Variants in CYB5A observed in about 807,000 individuals in gnomAD.
CYB5A encodes cytochrome b5 type A, also known as cytochrome b5.
In CYB5A, 10 loss-of-function variants were observed where a neutral mutation model predicts 16.2. The observed-to-expected ratio is 0.62, with a 90% CI of 0.38 to 1.04. The LOEUF (loss-of-function observed/expected upper bound fraction) is 1.04. Ranked by LOEUF, CYB5A falls within the 50% of genes least tolerant of loss-of-function variation. The probability of loss-of-function intolerance (pLI) is 0.01; values close to 1 mark genes in which losing one functional copy is unlikely to be tolerated. For synonymous variants in CYB5A, 62 were observed against 57.0 expected (o/e 1.09, Z -0.40); for missense variants, 161 against 165.9 (o/e 0.97, Z 0.16).
intron 1 of CYB5A, among the ~76,000 whole-genome samples, chr18:74,276,256 T>C (rs987344494): frequency 3.9e-5 from 6 of 152,184 alleles, no homozygotes; most frequent in Non-Finnish European, 5.9e-5. Context: ...AGTGCCACAC[T>C]GATAGCTCAC....
chr18:74,263,714 C>T (rs901982526), intron 1 of CYB5A, among the ~76,000 whole-genome samples: 2 of 152,118 alleles, frequency 1.3e-5, no homozygotes, highest in Non-Finnish European at 2.9e-5. Context: ...CAAAGCCAAC[C>T]TGGGCAACAT....
intron 1 of CYB5A, among the ~76,000 whole-genome samples, chr18:74,282,441 G>C (rs1278562340): frequency 6.6e-6 from 1 of 152,170 alleles, no homozygotes; most frequent in African/African-American, 2.4e-5. Flanking sequence ...CACAGAGCAG[G>C]GGCTCGTATC....
rs541370162 is a variant in CYB5A at position 74,275,491 on chromosome 18, C to T, written c.130-12014G>A. On this transcript the variant is annotated intron_variant, in intron 1 of 4. Transcript: ENST00000340533. ...AGCGGGATGCAGTTATCACACAGCT[C>T]TGGTGGCAAAGATCACTTCTTTAGG... Among the ~76,000 whole-genome samples the T allele has an allele frequency of 5.9e-5, 9 of 152,298 alleles. No individual in the cohort carries two copies. In the South Asian group the frequency reaches 1.5e-3, roughly 25 times the overall value.
chr18:74,263,627 C>A, intron 1 of CYB5A, 150 bp from the exon 2 acceptor site: 2 of 723,392 alleles, frequency 2.8e-6, no homozygotes, highest in Non-Finnish European at 4.8e-6. Context: ...TGGATTAAAA[C>A]AACACAGGCC....
At chr18:74,277,833 G>C (rs1339010944) in intron 1 of CYB5A, among the ~76,000 whole-genome samples, 1 of 152,158 alleles carries the variant, frequency 6.6e-6, no homozygotes, top group Non-Finnish European at 1.5e-5. Flanking sequence ...GAGGATACAG[G>C]GGTAACTTTA....
intron 1 of CYB5A, among the ~76,000 whole-genome samples, chr18:74,264,311 C>T (rs1219800801): frequency 6.6e-6 from 1 of 152,096 alleles, no homozygotes; most frequent in Non-Finnish European, 1.5e-5. Context: ...GCATGAGGCT[C>T]GTGTCCTTCA....
intron 1 of CYB5A, among the ~76,000 whole-genome samples, chr18:74,269,497 G>T (rs530084373): frequency 5.6e-4 from 72 of 128,688 alleles, no homozygotes; most frequent in African/African-American, 1.4e-3. Context: ...AGAGCCCCAG[G>T]TCCCTCCCAC....
At chr18:74,279,985 T>G (rs118140297) in intron 1 of CYB5A, among the ~76,000 whole-genome samples, 1 of 152,294 alleles carries the variant, frequency 6.6e-6, no homozygotes, top group East Asian at 1.9e-4. Flanking sequence ...CAAAAACTAA[T>G]AAATGAGTAC....
chr18:74,272,360 T>A (rs8084095), intron 1 of CYB5A, among the ~76,000 whole-genome samples: 1,564 of 152,332 alleles, frequency 0.01, 24 homozygotes, highest in African/African-American at 0.035. Context: ...GGGATAAATA[T>A]GTCTGCTTTT....
chr18:74,278,370 C>T (rs1409592678), intron 1 of CYB5A, among the ~76,000 whole-genome samples: 6 of 152,182 alleles, frequency 3.9e-5, no homozygotes, highest in Non-Finnish European at 8.8e-5. Context: ...TAGCAGACTC[C>T]GTGGCAAGTA....
intron 4 of CYB5A, 137 bp from the exon 5 acceptor site, chr18:74,253,802 G>A: frequency 1.5e-6 from 1 of 671,488 alleles, no homozygotes; most frequent in Non-Finnish European, 2.8e-6. Context: ...AAGGCAACGT[G>A]GATTTGCTAA....
At chr18:74,256,098 A>G (rs1599244372) in intron 3 of CYB5A, 3 of 294,308 alleles carry the variant, frequency 1.0e-5, no homozygotes, top group East Asian at 1.5e-4. Flanking sequence ...ATTCATGTTC[A>G]CATACACACA....
chr18:74,264,235 GAA>G (rs58569368), intron 1 of CYB5A, among the ~76,000 whole-genome samples: 87,609 of 149,690 alleles, frequency 0.59, 27,218 homozygotes, highest in Middle Eastern at 0.71. Flanking sequence ...AAGAGAGCGA[GAA>G]AGAAAGAACC....
At chr18:74,264,811 C>G (rs1258390905) in intron 1 of CYB5A, among the ~76,000 whole-genome samples, 1 of 151,998 alleles carries the variant, frequency 6.6e-6, no homozygotes, top group Non-Finnish European at 1.5e-5. Context: ...AATTTTTTCT[C>G]CAAGATGATT....
chr18:74,268,030 T>A (rs571673996), intron 1 of CYB5A, among the ~76,000 whole-genome samples: 1 of 152,318 alleles, frequency 6.6e-6, no homozygotes, highest in African/African-American at 2.4e-5. Context: ...GAGGAAGATT[T>A]CCATTTGTTT....
chr18:74,256,093 T>C (rs1367231486), intron 3 of CYB5A: 3 of 324,056 alleles, frequency 9.3e-6, no homozygotes, highest in African/African-American at 4.3e-5. Flanking sequence ...CAGACATTCA[T>C]GTTCACATAC....
At chr18:74,288,828 G>A (rs1396479972) in intron 1 of CYB5A, among the ~76,000 whole-genome samples, 1 of 152,224 alleles carries the variant, frequency 6.6e-6, no homozygotes, top group African/African-American at 2.4e-5. Flanking sequence ...ATAAGCAAGA[G>A]ATGGTCACAG....
At chr18:74,267,336 T>C (rs539635224) in intron 1 of CYB5A, among the ~76,000 whole-genome samples, 1 of 152,304 alleles carries the variant, frequency 6.6e-6, no homozygotes, top group Non-Finnish European at 1.5e-5. Flanking sequence ...TTTGTATTTT[T>C]AGTAGAGACG....
chr18:74,261,183 C>T, intron 2 of CYB5A: 1 of 480,670 alleles, frequency 2.1e-6, no homozygotes, highest in Non-Finnish European at 3.8e-6. Flanking sequence ...GCACCCATGA[C>T]AGCTCTCTGT....
Sources: gnomAD v4.1 joint callset for allele counts (sites outside exome capture counted in the v4.1 genomes callset) on GRCh38, gnomAD v4.1.1 for gene constraint, MANE v1.5 for transcripts, NCBI Gene and HGNC (gene_info 2026-07-23, HGNC 2026-07-21) for gene names.